ACACA: variants seen among roughly 807,000 people sequenced by gnomAD.
ACACA encodes acetyl-CoA carboxylase alpha.
A neutral mutation model predicts 296.1 loss-of-function variants in ACACA; 103 were observed. The observed-to-expected ratio is 0.35, with a 90% CI of 0.30 to 0.41. The LOEUF (loss-of-function observed/expected upper bound fraction) is 0.41, where lower values mean the gene tolerates loss of function less well. ACACA is among the 10% of genes least tolerant of loss of function. The probability of loss-of-function intolerance (pLI) is 1.00; values close to 1 mark genes in which losing one functional copy is unlikely to be tolerated. For synonymous variants in ACACA, 953 were observed against 1,038.6 expected (o/e 0.92, Z 1.58); for missense variants, 1,554 against 2,989.7 (o/e 0.52, Z 11.20).
chr17:37,403,368 CT>C (rs36037660), intron 1 of ACACA, among the ~76,000 whole-genome samples: 44,889 of 112,110 alleles, frequency 0.4, 7,974 homozygotes, highest in African/African-American at 0.56. Context: ...TTTGCCACAT[CT>C]TTTTTTTTTT....
chr17:37,244,743 C>G lies in ACACA; in HGVS notation c.2596-9G>C. 1 of 1,614,108 alleles carries G rather than the reference C, an allele frequency of 6.2e-7. No individual in the cohort carries two copies. The highest frequency in any genetic ancestry group is 1.1e-5 in the South Asian group (1 of 91,080). ...CCTGTGTGAAGTTCAGCCTGTCAAC[C>G]CCAACAAGAGATCAAGTCATCTACT... On this transcript the variant is annotated splice_polypyrimidine_tract_variant and intron_variant, in intron 20 of 55. Transcript: ENST00000616317.
intron 11 of ACACA, among the ~76,000 whole-genome samples, chr17:37,261,515 T>C (rs1427064425): frequency 6.6e-6 from 1 of 152,152 alleles, no homozygotes; most frequent in Non-Finnish European, 1.5e-5. Context: ...GATTGGGATA[T>C]TTGTGCCCTC....
intron 1 of ACACA, among the ~76,000 whole-genome samples, chr17:37,358,128 A>G (rs1284524715): frequency 6.6e-6 from 1 of 152,062 alleles, no homozygotes; most frequent in Non-Finnish European, 1.5e-5. Context: ...CTGAAATTAA[A>G]CTATTTCTCC....
At chr17:37,394,023 T>C (rs567114745) in intron 1 of ACACA, among the ~76,000 whole-genome samples, 109 of 152,044 alleles carry the variant, frequency 7.2e-4, no homozygotes, top group African/African-American at 2.6e-3. Context: ...AAAACAGAGA[T>C]GGGAGAGATG....
At chr17:37,188,601 C>T in intron 38 of ACACA, 121 bp from the exon 39 acceptor site, 3 of 1,007,594 alleles carry the variant, frequency 3.0e-6, no homozygotes, top group Non-Finnish European at 4.5e-6. Flanking sequence ...TGTGGAGATG[C>T]ACACCTTACA....
chr17:37,299,905 A>C (rs2083539075), intron 3 of ACACA: 1 of 595,546 alleles, frequency 1.7e-6, no homozygotes, highest in Non-Finnish European at 2.1e-6. Context: ...AGATCCAATC[A>C]AAACAAATAA....
intron 1 of ACACA, among the ~76,000 whole-genome samples, chr17:37,370,983 C>CAAA (rs77796641): frequency 7.6e-6 from 1 of 131,370 alleles, no homozygotes. Context: ...GACTCCATCT[C>CAAA]AAAAAAAAAA....
intron 3 of ACACA, among the ~76,000 whole-genome samples, chr17:37,316,298 T>TACACACACACAC (rs1376843680): frequency 2.1e-5 from 2 of 95,700 alleles, no homozygotes; most frequent in African/African-American, 6.1e-5. Flanking sequence ...GCTCTACCCT[T>TACACACACACAC]ACATACACAC....
chr17:37,178,247 C>T (rs1177900422), intron 41 of ACACA, among the ~76,000 whole-genome samples: 1 of 152,122 alleles, frequency 6.6e-6, no homozygotes, highest in Non-Finnish European at 1.5e-5. Flanking sequence ...GACTTTATAT[C>T]ACTATTCATA....
chr17:37,365,098 G>A (rs765214118), intron 1 of ACACA, among the ~76,000 whole-genome samples: 4 of 151,896 alleles, frequency 2.6e-5, no homozygotes, highest in Admixed American at 6.6e-5. Flanking sequence ...TCAGCCTCCC[G>A]AGTAGCTGGA....
intron 1 of ACACA, among the ~76,000 whole-genome samples, chr17:37,404,393 A>C (rs2051393578): frequency 1.3e-5 from 2 of 152,096 alleles, no homozygotes; most frequent in South Asian, 4.1e-4. Context: ...AGCAATTTAA[A>C]ATTTTTTTAG....
At chr17:37,235,745 C>T (rs374795744) in intron 24 of ACACA, among the ~76,000 whole-genome samples, 1 of 152,140 alleles carries the variant, frequency 6.6e-6, no homozygotes, top group Non-Finnish European at 1.5e-5. Context: ...TGCCTAGGAA[C>T]GCCAAATCCA....
At chr17:37,093,331 A>C (rs1186563419) in intron 54 of ACACA, among the ~76,000 whole-genome samples, 2 of 152,128 alleles carry the variant, frequency 1.3e-5, no homozygotes, top group Non-Finnish European at 2.9e-5. Flanking sequence ...TGCCAAACCA[A>C]AGAGCGTCTG....
chr17:37,102,733 A>C (rs1176024301), intron 52 of ACACA, among the ~76,000 whole-genome samples: 2 of 152,236 alleles, frequency 1.3e-5, no homozygotes, highest in Admixed American at 6.5e-5. Flanking sequence ...AGTGTTTCAG[A>C]AACCAGGCTT....
Position 37,339,785 on chromosome 17 carries a change from A to T in ACACA, c.85+19T>A. 7.4e-7 allele frequency: 1 copy of T among 1,343,080 alleles called. No homozygotes were observed. Among genetic ancestry groups the T allele is most frequent in the Non-Finnish European group, 1.1e-6 (1 of 940,650 alleles). 83.2% of individuals were successfully genotyped at this position (1,343,080 alleles called of 1,614,324 possible). ...AATTTTTATCACATTGTAAACAAGG[A>T]GTATTATTTGTAACTGACCTCTTAT... On this transcript the variant is annotated intron_variant, in intron 2 of 55. Transcript: ENST00000616317.
chr17:37,354,474 T>G (rs2049042204), intron 1 of ACACA, among the ~76,000 whole-genome samples: 1 of 152,202 alleles, frequency 6.6e-6, no homozygotes, highest in Non-Finnish European at 1.5e-5. Flanking sequence ...ATTGGCCAGC[T>G]AAACTCATAA....
chr17:37,270,745 C>T lies in ACACA; in HGVS notation c.1119+6G>A. On this transcript the variant is annotated splice_donor_region_variant and intron_variant, in intron 10 of 55. Transcript: ENST00000616317. ...TTCAAACAAACAAAAACAGCTTATA[C>T]TCTACCTGTCTGAAGAGATTAGGGA... 6.2e-7 allele frequency: 1 copy of T among 1,603,120 alleles called. No homozygotes were observed. The highest frequency in any genetic ancestry group is 8.5e-7 in the Non-Finnish European group (1 of 1,170,108).
At chr17:37,360,645 C>T (rs1197654913) in intron 1 of ACACA, among the ~76,000 whole-genome samples, 1 of 152,068 alleles carries the variant, frequency 6.6e-6, no homozygotes, top group Non-Finnish European at 1.5e-5. Context: ...CACTGCACCC[C>T]AGCACTGGCA....
intron 49 of ACACA, among the ~76,000 whole-genome samples, chr17:37,121,854 G>A (rs2074541706): frequency 6.6e-6 from 1 of 152,154 alleles, no homozygotes; most frequent in South Asian, 2.1e-4. Context: ...TTTGTGCTTA[G>A]TATAGCATTT....
Sources: allele counts gnomAD v4.1 joint callset (sites outside exome capture counted in the v4.1 genomes callset), GRCh38; gene constraint gnomAD v4.1.1; transcripts MANE v1.5; gene names NCBI Gene and HGNC (gene_info 2026-07-23, HGNC 2026-07-21).